Variants in ELAVL4 observed in about 807,000 individuals in gnomAD.
The protein encoded by ELAVL4 is ELAV-like protein 4.
In ELAVL4, 1 loss-of-function variant was observed where a neutral mutation model predicts 35.6. The ratio of observed to expected loss-of-function variants is 0.03; its 90% CI spans 0.01 to 0.13. The LOEUF is 0.13. Ranked by LOEUF, ELAVL4 falls within the 10% of genes least tolerant of loss-of-function variation. The pLI, the probability that ELAVL4 is intolerant of heterozygous loss-of-function variation, is 1.00. For synonymous variants in ELAVL4, 156 were observed against 171.0 expected, an observed-to-expected ratio of 0.91 and a Z score of 0.69; for missense variants, 267 against 464.9, an observed-to-expected ratio of 0.57 and a Z score of 3.91.
intron 1 of ELAVL4, among the ~76,000 whole-genome samples, chr1:50,133,629 AAG>A (rs1553174536): frequency 1.3e-5 from 2 of 149,958 alleles, no homozygotes; most frequent in Non-Finnish European, 3.0e-5. Flanking sequence ...GAAAGAAAGA[AAG>A]AAAGAAAGAA....
At chr1:50,131,375 T>C (rs1205982658) in intron 1 of ELAVL4, among the ~76,000 whole-genome samples, 2 of 152,158 alleles carry the variant, frequency 1.3e-5, no homozygotes, top group Non-Finnish European at 2.9e-5. Flanking sequence ...CAAAAGCATA[T>C]TTTGAAAAGG....
At position 50,080,584 on chromosome 1, in the gene ELAVL4, A is replaced by G. The variant is rs1036142889; in HGVS notation, c.18+32402A>G. Among the ~76,000 whole-genome samples the G allele has an allele frequency of 2.0e-5, 3 of 152,304 alleles. No homozygotes were observed. In the South Asian group the frequency reaches 6.2e-4, roughly 32 times the overall value. On this transcript the variant is annotated intron_variant, in intron 1 of 6. Coordinates refer to the ELAVL4 transcript ENST00000448907. The stretch of plus-strand genomic sequence containing the variant: ...ATGAAATATCTTCTGTAGCTCCCTG[A>G]CATCTCCATCAGAAAATCTAAAGTC...
intron 1 of ELAVL4, among the ~76,000 whole-genome samples, chr1:50,062,308 A>C (rs997568857): frequency 6.6e-6 from 1 of 151,912 alleles, no homozygotes; most frequent in Non-Finnish European, 1.5e-5. Flanking sequence ...CAGAGGAGGG[A>C]CCTAATTTGT....
intron 1 of ELAVL4, among the ~76,000 whole-genome samples, chr1:50,073,890 A>G (rs1285075552): frequency 6.6e-6 from 1 of 152,240 alleles, no homozygotes; most frequent in East Asian, 1.9e-4. Context: ...CTAGACTTTC[A>G]GATAAGAATC....
At chr1:50,112,991 C>G (rs1667328528) in intron 1 of ELAVL4, among the ~76,000 whole-genome samples, 1 of 152,038 alleles carries the variant, frequency 6.6e-6, no homozygotes, top group South Asian at 2.1e-4. Context: ...CCTTTTAGTT[C>G]TAAACTTAGT....
intron 1 of ELAVL4, among the ~76,000 whole-genome samples, chr1:50,115,744 G>C (rs1490936380): frequency 6.6e-6 from 1 of 152,056 alleles, no homozygotes; most frequent in Non-Finnish European, 1.5e-5. Context: ...AAGTTGTTTT[G>C]CCAACAGTGT....
At chr1:50,115,515 T>C (rs984294674) in intron 1 of ELAVL4, among the ~76,000 whole-genome samples, 3 of 152,124 alleles carry the variant, frequency 2.0e-5, no homozygotes, top group African/African-American at 7.2e-5. Flanking sequence ...ATGTAAACTT[T>C]AGCTTAATTT....
intron 2 of ELAVL4, among the ~76,000 whole-genome samples, chr1:50,154,091 G>T (rs1675294247): frequency 6.6e-6 from 1 of 152,186 alleles, no homozygotes; most frequent in Non-Finnish European, 1.5e-5. Flanking sequence ...AATAGAACAG[G>T]CAGGACTACT....
intron 1 of ELAVL4, among the ~76,000 whole-genome samples, chr1:50,080,842 C>T (rs1664976225): frequency 1.3e-5 from 2 of 152,180 alleles, no homozygotes; most frequent in Middle Eastern, 3.4e-3. Context: ...GAAATAAATT[C>T]GTGGACTAGT....
chr1:50,051,604 T>G (rs950372744), intron 1 of ELAVL4, among the ~76,000 whole-genome samples: 2 of 152,216 alleles, frequency 1.3e-5, no homozygotes, highest in African/African-American at 4.8e-5. Flanking sequence ...AACTTAGGCT[T>G]GTTAAGGGCA....
chr1:50,200,806 C>T, intron 6 of ELAVL4, 45 bp from the exon 7 acceptor site: 1 of 1,591,998 alleles, frequency 6.3e-7, no homozygotes, highest in Non-Finnish European at 8.6e-7. Context: ...TATCCTTGGT[C>T]AGACTGATGT....
chr1:50,155,714 G>A (rs530595353), intron 2 of ELAVL4, among the ~76,000 whole-genome samples: 1 of 152,214 alleles, frequency 6.6e-6, no homozygotes, highest in South Asian at 2.1e-4. Flanking sequence ...GGACATGCAG[G>A]AACTTCAGTT....
At chr1:50,101,285 A>T (rs2148513754), upstream of ELAVL4, among the ~76,000 whole-genome samples, 1 of 152,260 alleles carries the variant, frequency 6.6e-6, no homozygotes, top group African/African-American at 2.4e-5. Context: ...TTTCAGGTTT[A>T]AAAGAGGAAA....
At chr1:50,058,754 T>C (rs1005982747) in intron 1 of ELAVL4, among the ~76,000 whole-genome samples, 2 of 151,822 alleles carry the variant, frequency 1.3e-5, no homozygotes, top group Admixed American at 6.6e-5. Flanking sequence ...GCTAGGACTA[T>C]AGGCATGCAC....
At chr1:50,077,422 C>A (rs929750902) in intron 1 of ELAVL4, among the ~76,000 whole-genome samples, 1 of 152,142 alleles carries the variant, frequency 6.6e-6, no homozygotes, top group Admixed American at 6.5e-5. Context: ...TTCCCTCTTA[C>A]TTGAGGGAGG....
chr1:50,096,967 G>T (rs1374669988), intron 1 of ELAVL4, among the ~76,000 whole-genome samples: 1 of 152,202 alleles, frequency 6.6e-6, no homozygotes, highest in Admixed American at 6.5e-5. Flanking sequence ...TGTAATCCCA[G>T]CACTTTGAGA....
intron 2 of ELAVL4, among the ~76,000 whole-genome samples, chr1:50,165,616 A>C (rs987532044): frequency 2.7e-5 from 4 of 148,244 alleles, no homozygotes; most frequent in African/African-American, 9.8e-5. Context: ...ATACGTATAC[A>C]TATATATGCA....
At chr1:50,179,698 T>A (rs1680708731) in intron 3 of ELAVL4, 1 of 152,232 alleles carries the variant, frequency 6.6e-6, no homozygotes, top group Non-Finnish European at 1.5e-5. Flanking sequence ...CAGGACCATC[T>A]AGTACATGTT....
intron 2 of ELAVL4, among the ~76,000 whole-genome samples, chr1:50,165,615 C>CAT (rs1187342086): frequency 6.8e-6 from 1 of 146,414 alleles, no homozygotes. Context: ...TATACGTATA[C>CAT]ATATATATGC....
Sources: gnomAD v4.1 joint callset for allele counts (sites outside exome capture counted in the v4.1 genomes callset) on GRCh38, gnomAD v4.1.1 for gene constraint, MANE v1.5 for transcripts, NCBI Gene and HGNC (gene_info 2026-07-23, HGNC 2026-07-21) for gene names.